Variants in NUP210L observed in about 807,000 individuals in gnomAD.
NUP210L encodes the protein nuclear pore membrane glycoprotein 210-like.
In NUP210L, 74 loss-of-function variants were observed where a neutral mutation model predicts 208.5. That is an observed-to-expected ratio of 0.35 (90% CI 0.29 to 0.43). NUP210L has a LOEUF of 0.43. Ranked by LOEUF, NUP210L falls within the 20% of genes least tolerant of loss-of-function variation. The pLI, the probability that NUP210L is intolerant of heterozygous loss-of-function variation, is 1.00. For synonymous variants in NUP210L, 780 were observed against 816.9 expected, an observed-to-expected ratio of 0.95 and a Z score of 0.77; for missense variants, 1,843 against 2,289.4, an observed-to-expected ratio of 0.81 and a Z score of 3.98.
At chr1:154,064,289 A>G (rs1393001445) in intron 17 of NUP210L, among the ~76,000 whole-genome samples, 1 of 152,058 alleles carries the variant, frequency 6.6e-6, no homozygotes, top group Non-Finnish European at 1.5e-5. Flanking sequence ...GGTTTTTGTC[A>G]GGTGACTTAC....
At chr1:154,088,032 T>C (rs574712445) in intron 16 of NUP210L, among the ~76,000 whole-genome samples, 63 of 152,256 alleles carry the variant, frequency 4.1e-4, no homozygotes, top group African/African-American at 1.5e-3. Flanking sequence ...ACAACTTTGA[T>C]TTGAACACTT....
intron 29 of NUP210L, among the ~76,000 whole-genome samples, chr1:154,026,719 A>C (rs575334401): frequency 6.6e-6 from 1 of 152,216 alleles, no homozygotes; most frequent in Non-Finnish European, 1.5e-5. Context: ...CTATTCAGTC[A>C]TAAAAAGGAA....
intron 11 of NUP210L, 85 bp downstream of exon 11, chr1:154,118,586 A>G: frequency 9.9e-7 from 1 of 1,008,872 alleles, no homozygotes; most frequent in Non-Finnish European, 1.4e-6. Context: ...GGGAGGAAAT[A>G]AATGTAACAT....
chr1:153,992,994 TG>T lies in NUP210L; in HGVS notation c.5566+20del, dbSNP rs1465911798. On this transcript the variant is annotated intron_variant, in intron 39 of 39. Coordinates refer to ENST00000368559, the Ensembl canonical transcript of NUP210L. ...CGTGTGTATCTGAGCTTTTCAAAGA[TG>T]AGGACAGAGGCTTTTTTACCTGGCT... 6.2e-7 allele frequency: 1 copy of T among 1,611,732 alleles called. No individual in the cohort carries two copies. Among genetic ancestry groups the T allele is most frequent in the Non-Finnish European group, 8.5e-7 (1 of 1,178,880 alleles).
In NUP210L at chr1:154,027,501, C is replaced by G. The variant is rs917095869; in HGVS notation, c.3947+5G>C. The G allele has an allele frequency of 6.3e-7, 1 of 1,596,616 alleles. No individual in the cohort carries two copies. The highest frequency in any genetic ancestry group is 8.6e-7 in the Non-Finnish European group (1 of 1,165,446). ...TGGCACTTCCTTATTCTCCCTTTTC[C>G]TTACCTGTTGGTATGGAGTTTGAGC... is the stretch of plus-strand genomic sequence containing the variant. On this transcript the variant is annotated splice_donor_5th_base_variant and intron_variant, in intron 29 of 39. Coordinates refer to ENST00000368559, the Ensembl canonical transcript of NUP210L.
At chr1:154,007,659 A>T (rs537047633) in intron 35 of NUP210L, among the ~76,000 whole-genome samples, 2 of 146,320 alleles carry the variant, frequency 1.4e-5, no homozygotes, top group African/African-American at 5.1e-5. Context: ...TGCAAGCTCC[A>T]CCTCCCGGGT....
intron 3 of NUP210L, 58 bp downstream of exon 3, chr1:154,143,388 C>T: frequency 6.5e-7 from 1 of 1,538,490 alleles, no homozygotes; most frequent in Non-Finnish European, 8.9e-7. Flanking sequence ...AAGTGCTAAA[C>T]ATAAACAGAT....
At chr1:154,125,901 G>A (rs1253019538) in intron 10 of NUP210L, among the ~76,000 whole-genome samples, 2 of 150,498 alleles carry the variant, frequency 1.3e-5, no homozygotes, top group Non-Finnish European at 3.0e-5. Flanking sequence ...CCAAGTAGCT[G>A]GAACTACAGG....
At chr1:154,087,327 A>AAG (rs1256728479) in intron 16 of NUP210L, among the ~76,000 whole-genome samples, 1 of 151,890 alleles carries the variant, frequency 6.6e-6, no homozygotes, top group African/African-American at 2.4e-5. Context: ...TCTCAAAAAA[A>AAG]AAAAAAAAAA....
intron 38 of NUP210L, 76 bp downstream of exon 38, chr1:153,995,000 A>T: frequency 1.0e-6 from 1 of 965,852 alleles, no homozygotes; most frequent in Non-Finnish European, 1.6e-6. Context: ...CGACAGACTT[A>T]AACTCCATCT....
chr1:154,124,335 C>T (rs1009760415), intron 10 of NUP210L, among the ~76,000 whole-genome samples: 5 of 151,692 alleles, frequency 3.3e-5, no homozygotes, highest in African/African-American at 1.2e-4. Flanking sequence ...AGGGTGACTT[C>T]GGATTTTGTC....
rs183435146 is a variant in NUP210L, at chr1:154,081,060, T to C, written c.2361+8361A>G. On this transcript the variant is annotated intron_variant, in intron 16 of 39. Coordinates refer to ENST00000368559, the Ensembl canonical transcript of NUP210L. ...AGGAACAGAAAAGACATATGACATA[T>C]AGAAAACAAATAGCAAAATGGCAGA... 5.3e-5 allele frequency among the ~76,000 whole-genome samples: 8 copies of C among 150,438 alleles called. No individual in the cohort carries two copies. In the South Asian group the frequency reaches 1.5e-3, roughly 28 times the overall value.
chr1:154,052,048 T>C (rs1653534524), intron 25 of NUP210L, among the ~76,000 whole-genome samples: 1 of 152,264 alleles, frequency 6.6e-6, no homozygotes, highest in East Asian at 1.9e-4. Context: ...GACCCCCGTA[T>C]GCAACTGAAT....
intron 33 of NUP210L, among the ~76,000 whole-genome samples, chr1:154,014,777 G>T (rs1486344491): frequency 1.3e-5 from 2 of 152,122 alleles, no homozygotes; most frequent in African/African-American, 4.8e-5. Context: ...GCTGAGGCAG[G>T]CAGATCATTT....
intron 13 of NUP210L, among the ~76,000 whole-genome samples, chr1:154,101,134 T>G (rs1213877751): frequency 1.5e-5 from 2 of 135,774 alleles, no homozygotes; most frequent in East Asian, 2.2e-4. Context: ...ATTGCGCCAT[T>G]GCACTCCAGC....
intron 36 of NUP210L, 69 bp from the exon 37 acceptor site, chr1:154,001,129 T>G: frequency 8.2e-7 from 1 of 1,217,090 alleles, no homozygotes; most frequent in Non-Finnish European, 1.2e-6. Flanking sequence ...TGTTCCAATC[T>G]GAAACATATA....
chr1:154,084,461 G>A (rs1041412575), intron 16 of NUP210L, among the ~76,000 whole-genome samples: 4 of 151,532 alleles, frequency 2.6e-5, no homozygotes, highest in South Asian at 2.1e-4. Context: ...ATCCTCCCAC[G>A]TCAGCCTCCC....
intron 23 of NUP210L, 116 bp downstream of exon 23, chr1:154,056,699 T>C (rs535880472): frequency 4.2e-5 from 43 of 1,032,364 alleles, no homozygotes; most frequent in Middle Eastern, 3.3e-4. Context: ...CACATGGTGG[T>C]GTGAGCCACT....
At chr1:154,121,173 T>C (rs1184058490) in intron 10 of NUP210L, among the ~76,000 whole-genome samples, 1 of 152,186 alleles carries the variant, frequency 6.6e-6, no homozygotes, top group Non-Finnish European at 1.5e-5. Context: ...GTCACTGTAA[T>C]GTTTTAGGGG....
Sources: gnomAD v4.1 joint callset for allele counts (sites outside exome capture counted in the v4.1 genomes callset) on GRCh38, gnomAD v4.1.1 for gene constraint, MANE v1.5 for transcripts, NCBI Gene and HGNC (gene_info 2026-07-23, HGNC 2026-07-21) for gene names.